The following SIRPB1 variants were observed in gnomAD, a reference collection of about 807,000 sequenced individuals.
SIRPB1 encodes signal regulatory protein beta 1, also known as signal-regulatory protein beta-1.
SIRPB1 carries 28 observed loss-of-function variants against 34.1 expected under a neutral mutation model. The observed-to-expected ratio is 0.82, with a 90% CI of 0.61 to 1.12. The LOEUF (loss-of-function observed/expected upper bound fraction) is 1.12. Among genes scored for constraint, SIRPB1 ranks in the 50% most tolerant of loss-of-function variants. SIRPB1 has a pLI of 0.00. For synonymous variants in SIRPB1, 211 were observed against 203.8 expected (o/e 1.04, Z -0.30); for missense variants, 499 against 507.0 (o/e 0.98, Z 0.15).
At chr20:1,578,213 A>G (rs1600120419) in intron 2 of SIRPB1, 125 bp downstream of exon 2, 1 of 1,046,456 alleles carries the variant, frequency 9.6e-7, no homozygotes, top group East Asian at 2.3e-5. Flanking sequence ...AAAGGGTGAC[A>G]TCAGTTCATG....
At chr20:1,571,614 A>T (rs2091237905) in intron 3 of SIRPB1, 106 bp downstream of exon 3, 2 of 1,531,310 alleles carry the variant, frequency 1.3e-6, no homozygotes, top group Admixed American at 3.7e-5. Context: ...GGTGGACAAC[A>T]CAGTTAGGAA....
chr20:1,617,155 G>C (rs1388186092), intron 1 of SIRPB1, among the ~76,000 whole-genome samples: 1 of 152,140 alleles, frequency 6.6e-6, no homozygotes, highest in East Asian at 1.9e-4. Flanking sequence ...ATTAAAAATA[G>C]AACTATCATA....
In SIRPB1 at chr20:1,578,625, G is replaced by A; in HGVS notation, c.146C>T (p.Ser49Leu). ...EKSVSVAAGE[S>L]ATLRCAMTSL... Reference sequence around the variant, plus strand: ...CGTCATAGCACAGCGCAGAGTGGCCGACTCTCCAGCTGCAACTGATACGGA... The same window carrying A: ...CGTCATAGCACAGCGCAGAGTGGCCAACTCTCCAGCTGCAACTGATACGGA... The change falls in exon 2 of 6, where the codon TCG becomes TTG. Residue 49 changes from serine to leucine, a missense_variant. Coordinates refer to ENST00000381605, the MANE Select transcript of SIRPB1 (RefSeq NM_006065.5). 3.2e-6 allele frequency: 5 copies of A among 1,584,064 alleles called. 1 individual carries two copies. In the South Asian group the frequency reaches 3.3e-5, roughly 11 times the overall value.
intron 3 of SIRPB1, 117 bp from the exon 4 acceptor site, chr20:1,571,254 G>A: frequency 1.9e-6 from 2 of 1,072,608 alleles, no homozygotes; most frequent in Non-Finnish European, 2.7e-6. Flanking sequence ...TGCTAGGCAG[G>A]CAGCAGGTGC....
Position 1,609,490 on chromosome 20 carries a change from T to C in SIRPB1, c.76+10379A>G, listed in dbSNP as rs1383773405. On this transcript the variant is annotated intron_variant, in intron 1 of 5. Transcript: ENST00000381605. ...GCTGCCCACATTCCTTTCTCACAGTTACATCTTCCCATCACTCTAACCTCT... is the reference window on the plus strand; with the variant it reads ...GCTGCCCACATTCCTTTCTCACAGTCACATCTTCCCATCACTCTAACCTCT... 2.8e-5 allele frequency among the ~76,000 whole-genome samples: 2 copies of C among 72,330 alleles called. 1 individual carries two copies. The allele number at this position is 72,330 out of a possible 152,430, so 47.5% of individuals were successfully genotyped here. A position where few individuals can be genotyped will look rare whatever the true frequency, so the allele number is the denominator to read the frequency against.
At position 1,619,874 on chromosome 20, in the gene SIRPB1, A is replaced by T; in HGVS notation, c.71T>A (p.Leu24His). The T allele has an allele frequency of 6.2e-7, 1 of 1,611,942 alleles. No individual in the cohort carries two copies. The highest frequency in any genetic ancestry group is 1.3e-5 in the African/African-American group (1 of 74,960). ...FLLMTLLLGR[L>H]TGVAGEDELQ... ...TAACCGAAGGCAGTGCTCACCTGTGAGTCTCCCCAGCAGTAGCGTCATCAG... is the reference window on the plus strand; with the variant it reads ...TAACCGAAGGCAGTGCTCACCTGTGTGTCTCCCCAGCAGTAGCGTCATCAG... The change falls in exon 1 of 6, where the codon CTC becomes CAC. Residue 24 changes from leucine (L) to histidine (H), a missense_variant. By Grantham distance (99) the Leu-to-His change is moderately conservative (BLOSUM62 -3). Transcript: ENST00000381605.
chr20:1,574,478 A>C (rs914113435), intron 2 of SIRPB1, among the ~76,000 whole-genome samples: 1 of 45,168 alleles, frequency 2.2e-5, no homozygotes, highest in African/African-American at 8.5e-5. Context: ...ATCCAGGCCC[A>C]AATTAGATGC....
Position 1,566,172 on chromosome 20 carries a change from A to G in SIRPB1, c.1180T>C (p.Trp394Arg). 6.2e-7 allele frequency: 1 copy of G among 1,608,942 alleles called. No individual in the cohort carries two copies. Among genetic ancestry groups the G allele is most frequent in the Non-Finnish European group, 8.5e-7 (1 of 1,177,466 alleles). ...VVGVSAIYIC[W>R]KQKA is the part of the protein sequence containing the mutation. ...ACTTACAGTCAGGCCTTCTGTTTCC[A>G]GCAGATGTAGATGGCAGAGACACCA... Residue 394 changes from tryptophan to arginine, a missense_variant, in exon 5 of 6, where the codon TGG (tryptophan) becomes CGG (arginine). Trp to Arg is a moderately radical substitution (Grantham distance 101, BLOSUM62 -3). Coordinates refer to ENST00000381605, the MANE Select transcript of SIRPB1 (RefSeq NM_006065.5).
rs1277428794 is a variant in SIRPB1 at position 1,570,999 on chromosome 20, G to A, written c.890C>T (p.Thr297Ile). The A allele has an allele frequency of 3.1e-6, 5 of 1,614,172 alleles. No homozygotes were observed. The highest frequency in any genetic ancestry group is 1.7e-5 in the Admixed American group (1 of 60,022). Residue 297 changes from threonine to isoleucine, a missense_variant, in exon 4 of 6, where the codon ACA becomes ATA. Transcript: ENST00000381605. ...CTTGTTCTCTATGAGGGTCGAAGCT[G>A]TTTCTGTCCGGGACACATTTCCATT... is the stretch of plus-strand genomic sequence containing the variant. ...LENGNVSRTE[T>I]ASTLIENKDG...
chr20:1,566,291 G>A, intron 4 of SIRPB1, 24 bp from the exon 5 acceptor site: 1 of 1,502,782 alleles, frequency 6.7e-7, no homozygotes, highest in South Asian at 1.2e-5. Flanking sequence ...AAGAGGAGGA[G>A]CCATGAGAGG....
In SIRPB1 at chr20:1,578,186, A is replaced by G. The variant is rs2091344835; in HGVS notation, c.433+152T>C. ...ACTGCCATGACATCTCCAAGCCTCA[A>G]CTCATGTGATCTGGAGAAAGGGTGA... On this transcript the variant is annotated intron_variant, in intron 2 of 5. Coordinates refer to ENST00000381605, the MANE Select transcript of SIRPB1 (RefSeq NM_006065.5). 6.9e-6 allele frequency: 6 copies of G among 864,124 alleles called. 1 individual carries two copies. Among genetic ancestry groups the G allele is most frequent in the Middle Eastern group, 4.9e-4 (2 of 4,106 alleles). The allele number at this position is 864,124 out of a possible 1,614,324, so 53.5% of individuals were successfully genotyped here. A position where few individuals can be genotyped will look rare whatever the true frequency, so the allele number is the denominator to read the frequency against.
Position 1,562,341 on chromosome 20 carries a change from C to A in SIRPB1, c.*3159G>T, listed in dbSNP as rs3848787. On this transcript the variant is annotated 3_prime_UTR_variant, in exon 6 of 6. Transcript: ENST00000381605. ...TTGAAATCCAACACCTAGTAGAAAC[C>A]AATGACCTCAATGATGTATTCACTC... Among the ~76,000 whole-genome samples, 1 of 151,874 alleles carries A rather than the reference C, an allele frequency of 6.6e-6. No homozygotes were observed. Among genetic ancestry groups the A allele is most frequent in the Non-Finnish European group, 1.5e-5 (1 of 67,980 alleles).
chr20:1,567,883 G>A (rs1473249020), intron 4 of SIRPB1, among the ~76,000 whole-genome samples: 1 of 152,210 alleles, frequency 6.6e-6, no homozygotes, highest in Non-Finnish European at 1.5e-5. Context: ...GGACTTCTTG[G>A]CAGCACTGCA....
chr20:1,571,697 G>T, intron 3 of SIRPB1, 23 bp downstream of exon 3: 1 of 1,611,422 alleles, frequency 6.2e-7, no homozygotes, highest in East Asian at 2.2e-5. Context: ...TGTGGGCTTG[G>T]GCTGGGTGTG....
intron 2 of SIRPB1, among the ~76,000 whole-genome samples, chr20:1,577,379 G>C (rs1405737428): frequency 6.8e-6 from 1 of 147,622 alleles, no homozygotes; most frequent in Non-Finnish European, 1.5e-5. Context: ...GTCATGTCTT[G>C]GCTTCAGTCT....
At chr20:1,574,619 C>T (rs2091287526) in intron 2 of SIRPB1, among the ~76,000 whole-genome samples, 1 of 145,882 alleles carries the variant, frequency 6.9e-6, no homozygotes, top group Non-Finnish European at 1.5e-5. Context: ...CCCATTTATA[C>T]TTGGGGCCTA....
chr20:1,613,858 T>C (rs73570858), intron 1 of SIRPB1, among the ~76,000 whole-genome samples: 1 of 152,122 alleles, frequency 6.6e-6, no homozygotes, highest in African/African-American at 2.4e-5. Flanking sequence ...ACAGACTAGA[T>C]AAAATACAGG....
rs1425604315 is a variant in SIRPB1 at position 1,593,352 on chromosome 20, G to A, written c.77-14658C>T. 6.1e-5 allele frequency among the ~76,000 whole-genome samples: 3 copies of A among 48,876 alleles called. 1 individual carries two copies. The highest frequency in any genetic ancestry group is 1.2e-4 in the Non-Finnish European group (3 of 25,368). 32.1% of individuals were successfully genotyped at this position (48,876 alleles called of 152,430 possible). A position where few individuals can be genotyped will look rare whatever the true frequency, so the allele number is the denominator to read the frequency against. Reference sequence around the variant, plus strand: ...ATATCTATCTTTTATTACTAAAAACGCATTATTTTTATGTTTTAATGAGAA... The same window carrying A: ...ATATCTATCTTTTATTACTAAAAACACATTATTTTTATGTTTTAATGAGAA... On this transcript the variant is annotated intron_variant, in intron 1 of 5. Transcript: ENST00000381605.
intron 1 of SIRPB1, among the ~76,000 whole-genome samples, chr20:1,614,715 C>A (rs2091605692): frequency 6.6e-6 from 1 of 151,976 alleles, no homozygotes; most frequent in Non-Finnish European, 1.5e-5. Context: ...CAAAATTCAA[C>A]CAGCAGGAAT....
Sources: gnomAD v4.1 joint callset for allele counts (sites outside exome capture counted in the v4.1 genomes callset) on GRCh38, gnomAD v4.1.1 for gene constraint, MANE v1.5 for transcripts, NCBI Gene and HGNC (gene_info 2026-07-23, HGNC 2026-07-21) for gene names.